The following WNK1 variants were observed in gnomAD, a reference collection of about 807,000 sequenced individuals.
The protein encoded by WNK1 is WNK lysine deficient protein kinase 1.
Under a neutral mutation model 222.8 loss-of-function variants are expected in WNK1, and 38 were observed. That is an observed-to-expected ratio of 0.17 (90% CI 0.13 to 0.22). The LOEUF (loss-of-function observed/expected upper bound fraction) is 0.22, where lower values mean the gene tolerates loss of function less well. Among genes scored for constraint, WNK1 ranks in the 10% least tolerant of loss-of-function variants. WNK1 has a pLI of 1.00. For synonymous variants in WNK1, 1,090 were observed against 1,092.9 expected (o/e 1.00, Z 0.05); for missense variants, 2,348 against 2,918.4 (o/e 0.80, Z 4.50).
chr12:907,810 G>C (rs1272886970), intron 26 of WNK1, 37 bp from the exon 27 acceptor site: 7 of 1,611,366 alleles, frequency 4.3e-6, no homozygotes, highest in East Asian at 2.2e-5. Context: ...TGTAACCTAG[G>C]CTTCTTTTAA....
intron 26 of WNK1, among the ~76,000 whole-genome samples, chr12:902,006 G>A (rs1475057163): frequency 1.3e-5 from 2 of 151,892 alleles, no homozygotes; most frequent in African/African-American, 4.8e-5. Context: ...CATTAGAAAT[G>A]AGAGAAATCA....
At chr12:889,361 G>T in intron 21 of WNK1, 138 bp downstream of exon 21, 1 of 764,992 alleles carries the variant, frequency 1.3e-6, no homozygotes, top group Non-Finnish European at 2.3e-6. Context: ...CAAAAGAAAT[G>T]AGACTGATTA....
At chr12:773,992 T>C (rs906374843) in intron 1 of WNK1, among the ~76,000 whole-genome samples, 1 of 152,156 alleles carries the variant, frequency 6.6e-6, no homozygotes, top group African/African-American at 2.4e-5. Context: ...TAATCTGTGT[T>C]GTATCCTTAC....
rs1428357299 is a variant in WNK1, at chr12:890,321, C to A, written c.5449-132C>A. 30 of 914,618 alleles carry A rather than the reference C, an allele frequency of 3.3e-5. 1 individual carries two copies. In the South Asian group the frequency reaches 3.9e-4, roughly 12 times the overall value. 56.7% of individuals were successfully genotyped at this position (914,618 alleles called of 1,614,324 possible). A position where few individuals can be genotyped will look rare whatever the true frequency, so the allele number is the denominator to read the frequency against. ...GAAAAAGGAAAGAAGATAAAATGTT[C>A]TCAGACATAAGTGTTTCATCACATA... is the stretch of plus-strand genomic sequence containing the variant. On this transcript the variant is annotated intron_variant, in intron 21 of 27. Transcript: ENST00000315939.
chr12:880,647 TTGCATGTCTTGCTG>T, intron 11 of WNK1, 60 bp from the exon 12 acceptor site: 1 of 1,441,608 alleles, frequency 6.9e-7, no homozygotes, highest in Non-Finnish European at 9.7e-7. Context: ...TTTTTTTTTT[TTGCATGTCTTGCTG>T]TTTTGCTAAT....
intron 1 of WNK1, among the ~76,000 whole-genome samples, chr12:789,730 A>G (rs1231786631): frequency 6.6e-6 from 1 of 152,004 alleles, no homozygotes; most frequent in African/African-American, 2.4e-5. Flanking sequence ...AGTTTTCAGG[A>G]TGTTTTTATA....
chr12:893,499 C>G (rs996171047), intron 22 of WNK1, among the ~76,000 whole-genome samples: 44 of 152,108 alleles, frequency 2.9e-4, no homozygotes, highest in African/African-American at 1.0e-3. Context: ...AGCATTGTTC[C>G]CCGGAAAGGT....
At chr12:790,973 A>G (rs1314741782) in intron 1 of WNK1, among the ~76,000 whole-genome samples, 1 of 152,162 alleles carries the variant, frequency 6.6e-6, no homozygotes, top group Non-Finnish European at 1.5e-5. Flanking sequence ...ATGGAAATGA[A>G]TTATAGCTGT....
At chr12:868,014 C>G in intron 8 of WNK1, 3 of 1,614,024 alleles carry the variant, frequency 1.9e-6, no homozygotes, top group African/African-American at 2.7e-5. Context: ...CGTAAGAGCA[C>G]CTCCTTCCTG....
chr12:843,455 A>T (rs904504971), intron 4 of WNK1, among the ~76,000 whole-genome samples: 8 of 152,230 alleles, frequency 5.3e-5, no homozygotes, highest in African/African-American at 1.9e-4. Context: ...ATTTTCCAAA[A>T]CAAAATTTAA....
intron 1 of WNK1, among the ~76,000 whole-genome samples, chr12:770,907 T>C (rs1236592081): frequency 6.6e-6 from 1 of 152,252 alleles, no homozygotes; most frequent in Non-Finnish European, 1.5e-5. Context: ...TATAAATATC[T>C]TGAAATATTT....
At chr12:786,469 CTT>C (rs71051383) in intron 1 of WNK1, among the ~76,000 whole-genome samples, 218 of 139,628 alleles carry the variant, frequency 1.6e-3, no homozygotes, top group African/African-American at 5.2e-3. Flanking sequence ...TCTATCTTCC[CTT>C]TTTTTTTTTT....
At chr12:859,856 T>C (rs1195129801) in intron 6 of WNK1, among the ~76,000 whole-genome samples, 1 of 151,532 alleles carries the variant, frequency 6.6e-6, no homozygotes, top group Admixed American at 6.6e-5. Flanking sequence ...GCTGGGACCA[T>C]AGGGACGTGC....
intron 8 of WNK1, among the ~76,000 whole-genome samples, chr12:870,263 T>G (rs1952029007): frequency 6.6e-6 from 1 of 152,210 alleles, no homozygotes; most frequent in African/African-American, 2.4e-5. Context: ...TGCAGTATAT[T>G]CACATCAGTA....
intron 25 of WNK1, 89 bp downstream of exon 25, chr12:897,770 T>C (rs1954875609): frequency 1.4e-6 from 2 of 1,396,960 alleles, no homozygotes. Context: ...ATTTGTTGTT[T>C]TTGTTAAATT....
At chr12:903,438 C>A (rs1429908229) in intron 26 of WNK1, among the ~76,000 whole-genome samples, 1 of 151,926 alleles carries the variant, frequency 6.6e-6, no homozygotes, top group Admixed American at 6.6e-5. Context: ...TAGAAAGTTG[C>A]AAGGGGGGTG....
At chr12:867,099 C>T (rs556600938) in intron 8 of WNK1, among the ~76,000 whole-genome samples, 13 of 151,854 alleles carry the variant, frequency 8.6e-5, no homozygotes, top group Non-Finnish European at 1.3e-4. Context: ...CCAGCCTGGG[C>T]GAAAGAGGAA....
In WNK1 at chr12:900,602, A is replaced by G; in HGVS notation, c.6575A>G (p.Asp2192Gly). The change falls in exon 26 of 28, where the codon GAC becomes GGC. Residue 2192 changes from aspartate to glycine, a missense_variant. Transcript: ENST00000315939. ...CCCCTTAAGCCATCTCCCTCCAGTG[A>G]CAACCTCTATTCAGCCTTCACCAGT... ...LQPLKPSPSS[D>G]NLYSAFTSDG... 2 of 1,614,206 alleles carry G rather than the reference A, an allele frequency of 1.2e-6. No homozygotes were observed. The highest frequency in any genetic ancestry group is 1.7e-6 in the Non-Finnish European group (2 of 1,180,038).
chr12:895,851 G>A lies in WNK1; in HGVS notation c.5584-220G>A, dbSNP rs189572656. On this transcript the variant is annotated intron_variant, in intron 23 of 27. Transcript: ENST00000315939. ...AAAGTAAATTATTTACTTTATAAGC[G>A]TAGCCAGCCACACAGAATCTGCATC... 9.9e-5 allele frequency among the ~76,000 whole-genome samples: 15 copies of A among 152,272 alleles called. No homozygotes were observed. In the East Asian group the frequency reaches 2.5e-3, roughly 25 times the overall value.
Sources: gnomAD v4.1 joint callset for allele counts (sites outside exome capture counted in the v4.1 genomes callset) on GRCh38, gnomAD v4.1.1 for gene constraint, MANE v1.5 for transcripts, NCBI Gene and HGNC (gene_info 2026-07-23, HGNC 2026-07-21) for gene names.